FRYL: variants seen among roughly 807,000 people sequenced by gnomAD.
FRYL encodes the protein FRY like transcription coactivator, also known as protein furry homolog-like.
Under a neutral mutation model 351.2 loss-of-function variants are expected in FRYL, and 150 were observed. The ratio of observed to expected loss-of-function variants is 0.43; its 90% confidence interval spans 0.37 to 0.49. FRYL has a LOEUF of 0.49. Ranked by LOEUF, FRYL falls within the 20% of genes least tolerant of loss-of-function variation. FRYL has a pLI of 0.00. For missense variants in FRYL, 3,036 were observed against 3,619.3 expected (o/e 0.84, Z 4.13); for synonymous variants, 1,153 against 1,257.1 (o/e 0.92, Z 1.75).
chr4:48,608,087 G>T (rs541768595), intron 9 of FRYL, among the ~76,000 whole-genome samples: 10 of 151,930 alleles, frequency 6.6e-5, no homozygotes, highest in African/African-American at 2.4e-4. Flanking sequence ...AAACCATAAG[G>T]TATTAAAAAA....
chr4:48,596,642 T>C (rs949573743), intron 13 of FRYL, among the ~76,000 whole-genome samples: 34 of 152,100 alleles, frequency 2.2e-4, no homozygotes, highest in African/African-American at 7.5e-4. Context: ...TGTAAAGCAC[T>C]TGGAACAGTA....
rs193167259 is a variant in FRYL, at chr4:48,626,154, A to G, written c.121-2975T>C. Among the ~76,000 whole-genome samples, 235 of 152,286 alleles carry G rather than the reference A, an allele frequency of 1.5e-3. 1 individual carries two copies. Among genetic ancestry groups the G allele is most frequent in the African/African-American group, 5.5e-3 (227 of 41,578 alleles). On this transcript the variant is annotated intron_variant, in intron 4 of 63. Transcript: ENST00000358350. ...AAAAGTGTTTTAAAACATTAAAATA[A>G]CAATATACCTCAACAAAAACCAGGA...
rs541788493 is a variant in FRYL, at chr4:48,548,748, A to G, written c.4830T>C (p.His1610=). Residue 1610 remains histidine, a synonymous_variant, in exon 40 of 64, where the codon CAT becomes CAC. Coordinates refer to ENST00000358350, the MANE Select transcript of FRYL (RefSeq NM_015030.2). ...AGCTTCCCCATTCCACCTTCACACT[A>G]TGATCAATGATGAGATCAGTCAAAA... ...VILLTDLIID[H]SVKVEWGSYL... 42 of 1,612,276 alleles carry G rather than the reference A, an allele frequency of 2.6e-5. No homozygotes were observed. The East Asian group carries it at 8.9e-4, about 34-fold the overall frequency.
chr4:48,661,695 G>A (rs1760756324), intron 3 of FRYL, among the ~76,000 whole-genome samples: 1 of 152,190 alleles, frequency 6.6e-6, no homozygotes, highest in Admixed American at 6.5e-5. Context: ...GTCACAAATG[G>A]CAACATCCAA....
At chr4:48,663,458 A>G (rs1761167718) in intron 3 of FRYL, among the ~76,000 whole-genome samples, 1 of 151,836 alleles carries the variant, frequency 6.6e-6, no homozygotes, top group African/African-American at 2.4e-5. Context: ...AACACAACAG[A>G]TAGGACAAAA....
chr4:48,739,615 C>G lies in FRYL; in HGVS notation c.-383-28917G>C, dbSNP rs142109267. ...AAATCTAAAATACAAAACTTGAAAA[C>G]TCCTAGAAGAAAACATAGGAGCAAC... On this transcript the variant is annotated intron_variant, in intron 1 of 63. Transcript: ENST00000358350. Among the ~76,000 whole-genome samples, 689 of 151,764 alleles carry G rather than the reference C, an allele frequency of 4.5e-3. 5 individuals carry two copies. The highest frequency in any genetic ancestry group is 0.015 in the African/African-American group (640 of 41,416).
intron 35 of FRYL, among the ~76,000 whole-genome samples, chr4:48,556,762 T>C (rs781084795): frequency 8.5e-5 from 13 of 152,146 alleles, no homozygotes; most frequent in East Asian, 5.8e-4. Flanking sequence ...ACCCATCAGA[T>C]TGTAATACCC....
At chr4:48,687,914 C>A (rs1452114580) in intron 2 of FRYL, among the ~76,000 whole-genome samples, 1 of 152,080 alleles carries the variant, frequency 6.6e-6, no homozygotes, top group Non-Finnish European at 1.5e-5. Context: ...AAGACTGCTT[C>A]ATAAAAGATT....
At chr4:48,615,717 G>A (rs1204513153) in intron 7 of FRYL, among the ~76,000 whole-genome samples, 1 of 152,088 alleles carries the variant, frequency 6.6e-6, no homozygotes, top group African/African-American at 2.4e-5. Flanking sequence ...ATTTACATTA[G>A]CTCTTCGGCT....
chr4:48,555,130 A>T (rs1390277948), intron 35 of FRYL, among the ~76,000 whole-genome samples: 1 of 152,216 alleles, frequency 6.6e-6, no homozygotes, highest in African/African-American at 2.4e-5. Flanking sequence ...ATTGACATTT[A>T]AAAAATGGCT....
At position 48,523,122 on chromosome 4, in the gene FRYL, G is replaced by A. The variant is rs201578913; in HGVS notation, c.7318-18C>T. 1.6e-5 allele frequency: 26 copies of A among 1,580,416 alleles called. No individual in the cohort carries two copies. The East Asian group carries it at 2.5e-4, about 15-fold the overall frequency. On this transcript the variant is annotated intron_variant, in intron 53 of 63. Transcript: ENST00000358350. Reference sequence around the variant, plus strand: ...CTTTCACCCTGGAAAAGCAAGACACGATTTCTAAAACCTCAAATACATGCT... The same window carrying A: ...CTTTCACCCTGGAAAAGCAAGACACAATTTCTAAAACCTCAAATACATGCT...
chr4:48,553,502 C>G, intron 35 of FRYL, 119 bp from the exon 36 acceptor site: 1 of 663,348 alleles, frequency 1.5e-6, no homozygotes, highest in Non-Finnish European at 2.6e-6. Context: ...TAAACACAAT[C>G]TAAATCAAAA....
At chr4:48,612,132 T>G (rs931761532) in intron 7 of FRYL, among the ~76,000 whole-genome samples, 20 of 152,218 alleles carry the variant, frequency 1.3e-4, no homozygotes, top group African/African-American at 4.3e-4. Context: ...TCCCACAATT[T>G]TATTGTTTCT....
chr4:48,774,799 A>T (rs1001371379), intron 1 of FRYL, among the ~76,000 whole-genome samples: 6 of 152,144 alleles, frequency 3.9e-5, no homozygotes, highest in Non-Finnish European at 1.5e-5. Flanking sequence ...CGCCCACCTC[A>T]GTCTCCGAGT....
intron 7 of FRYL, chr4:48,617,932 A>G (rs1749871816): frequency 6.6e-6 from 1 of 152,244 alleles, no homozygotes; most frequent in African/African-American, 2.4e-5. Context: ...GTTTAAGCAA[A>G]AAAGTACAAA....
At chr4:48,554,542 T>G (rs1460540006) in intron 35 of FRYL, among the ~76,000 whole-genome samples, 1 of 152,308 alleles carries the variant, frequency 6.6e-6, no homozygotes. Context: ...TTTCATCATG[T>G]TGGCCAGGCT....
intron 2 of FRYL, among the ~76,000 whole-genome samples, chr4:48,694,289 T>G (rs1434180427): frequency 1.3e-5 from 2 of 152,084 alleles, no homozygotes; most frequent in Non-Finnish European, 2.9e-5. Context: ...AAAAAGTATT[T>G]AAAAATTTAG....
At chr4:48,682,195 A>G (rs1333086260) in intron 3 of FRYL, among the ~76,000 whole-genome samples, 1 of 152,234 alleles carries the variant, frequency 6.6e-6, no homozygotes, top group Non-Finnish European at 1.5e-5. Flanking sequence ...GAAGAAAATG[A>G]TTTGCATAGT....
chr4:48,573,161 T>C (rs1320708597), intron 26 of FRYL, 25 bp downstream of exon 26: 5 of 1,578,008 alleles, frequency 3.2e-6, no homozygotes, highest in Middle Eastern at 1.7e-4. Context: ...TGTTCACTAA[T>C]ACAAGGCTGC....
Sources: gnomAD v4.1 joint callset for allele counts (sites outside exome capture counted in the v4.1 genomes callset) on GRCh38, gnomAD v4.1.1 for gene constraint, MANE v1.5 for transcripts, NCBI Gene and HGNC (gene_info 2026-07-23, HGNC 2026-07-21) for gene names.